The following CSGALNACT1 variants were observed in gnomAD, a reference collection of about 807,000 sequenced individuals.
CSGALNACT1 encodes the protein chondroitin sulfate N-acetylgalactosaminyltransferase 1, also known as beta4GalNAcT-1.
CSGALNACT1 carries 52 observed loss-of-function variants against 51.0 expected under a neutral mutation model. The observed-to-expected ratio is 1.02, with a 90% CI of 0.82 to 1.29. The LOEUF (loss-of-function observed/expected upper bound fraction) is 1.29, where lower values mean the gene tolerates loss of function less well. Among genes scored for constraint, CSGALNACT1 ranks in the 50% most tolerant of loss-of-function variants. The pLI is 0.00. For missense variants in CSGALNACT1, 935 were observed against 679.2 expected, an observed-to-expected ratio of 1.38 and a Z score of -4.19; for synonymous variants, 341 against 254.4, an observed-to-expected ratio of 1.34 and a Z score of -3.24.
At chr8:19,506,291 G>A (rs562479022) in intron 3 of CSGALNACT1, among the ~76,000 whole-genome samples, 161 bp from the exon 3 acceptor site, 3 of 152,272 alleles carry the variant, frequency 2.0e-5, no homozygotes, top group East Asian at 1.9e-4. Flanking sequence ...GAACACAAAC[G>A]CACATCTGCA....
At chr8:19,550,659 G>A (rs1002249863) in intron 3 of CSGALNACT1, among the ~76,000 whole-genome samples, 3 of 152,038 alleles carry the variant, frequency 2.0e-5, no homozygotes, top group African/African-American at 4.8e-5. Flanking sequence ...ATCTAAAACT[G>A]TGCATTTAAG....
At chr8:19,638,561 C>A (rs2154174931) in intron 1 of CSGALNACT1, among the ~76,000 whole-genome samples, 1 of 152,106 alleles carries the variant, frequency 6.6e-6, no homozygotes, top group Non-Finnish European at 1.5e-5. Context: ...AAAAGGCTAA[C>A]AATAAGGGGC....
At chr8:19,465,353 TG>T (rs2066434529) in intron 4 of CSGALNACT1, among the ~76,000 whole-genome samples, 1 of 152,136 alleles carries the variant, frequency 6.6e-6, no homozygotes, top group East Asian at 1.9e-4. Context: ...AAGCAGGGAC[TG>T]GGGAGTGAGT....
intron 1 of CSGALNACT1, among the ~76,000 whole-genome samples, chr8:19,619,207 G>T (rs1303962221): frequency 7.3e-6 from 1 of 137,132 alleles, no homozygotes; most frequent in East Asian, 2.7e-4. Flanking sequence ...TGCAGGTGAG[G>T]TAAGAAATGG....
intron 3 of CSGALNACT1, among the ~76,000 whole-genome samples, chr8:19,523,515 C>T (rs1236092001): frequency 1.3e-5 from 2 of 152,184 alleles, no homozygotes; most frequent in African/African-American, 2.4e-5. Flanking sequence ...AGCGATCCAC[C>T]CACCTTGGCC....
intron 2 of CSGALNACT1, among the ~76,000 whole-genome samples, chr8:19,599,454 AAAAGAAAGAAAGAAAGAAAAAG>A (rs1564209949): frequency 2.4e-5 from 3 of 123,832 alleles, no homozygotes; most frequent in African/African-American, 3.5e-5. Context: ...AAAGAAAAAG[AAAAGAAAGAAAGAAAGAAAAAG>A]AAAGAAAGAA....
At chr8:19,548,803 A>G (rs1011499319) in intron 3 of CSGALNACT1, among the ~76,000 whole-genome samples, 2 of 152,156 alleles carry the variant, frequency 1.3e-5, no homozygotes, top group African/African-American at 4.8e-5. Context: ...TATTTTAGGT[A>G]ACGTTCTTCA....
At chr8:19,591,514 G>C (rs1298945570) in intron 2 of CSGALNACT1, among the ~76,000 whole-genome samples, 1 of 152,144 alleles carries the variant, frequency 6.6e-6, no homozygotes, top group Non-Finnish European at 1.5e-5. Flanking sequence ...AAGTCCAACC[G>C]TGTAACAAAG....
At chr8:19,441,063 A>G (rs1649183113) in intron 5 of CSGALNACT1, among the ~76,000 whole-genome samples, 1 of 152,224 alleles carries the variant, frequency 6.6e-6, no homozygotes, top group Admixed American at 6.5e-5. Context: ...TCAATGAAAT[A>G]AAAGAGGATA....
Position 19,478,434 on chromosome 8 carries a change from A to G in CSGALNACT1, c.635-19792T>C, listed in dbSNP as rs939849099. Reference sequence around the variant, plus strand: ...GTCTCAAAAAAAAAAAAAAAAAAAAAAAAAGGTACTGATGTCTGGGTCCCA... The same window carrying G: ...GTCTCAAAAAAAAAAAAAAAAAAAAGAAAAGGTACTGATGTCTGGGTCCCA... On this transcript the variant is annotated intron_variant, in intron 4 of 9. Transcript: ENST00000454498. Among the ~76,000 whole-genome samples the G allele has an allele frequency of 1.2e-3, 187 of 151,676 alleles. 1 individual carries two copies. Among genetic ancestry groups the G allele is most frequent in the Non-Finnish European group, 1.8e-3 (121 of 67,840 alleles).
At chr8:19,719,689 A>G (rs1394256103) in intron 1 of CSGALNACT1, among the ~76,000 whole-genome samples, 1 of 152,128 alleles carries the variant, frequency 6.6e-6, no homozygotes, top group African/African-American at 2.4e-5. Context: ...AGTTAAAGCC[A>G]CTCATTCTGC....
intron 7 of CSGALNACT1, among the ~76,000 whole-genome samples, chr8:19,419,314 A>T (rs561585039): frequency 1.3e-5 from 2 of 152,282 alleles, no homozygotes; most frequent in Non-Finnish European, 2.9e-5. Context: ...ACGCCTTGGG[A>T]GGGGGTGTGA....
exon 1 of CSGALNACT1, chr8:19,602,018 TCTCC>T (rs1350914851): frequency 2.9e-6 from 1 of 344,030 alleles, no homozygotes; most frequent in African/African-American, 2.2e-5. Flanking sequence ...GTATTTGTTC[TCTCC>T]CTGTTTCAAT....
intron 3 of CSGALNACT1, among the ~76,000 whole-genome samples, chr8:19,530,076 G>T (rs1386186228): frequency 6.6e-6 from 1 of 151,958 alleles, no homozygotes; most frequent in Non-Finnish European, 1.5e-5. Flanking sequence ...AAAATAATTA[G>T]CCAGGCATAG....
At chr8:19,495,175 G>A (rs2075235682) in intron 4 of CSGALNACT1, 2 of 152,106 alleles carry the variant, frequency 1.3e-5, no homozygotes, top group Admixed American at 1.3e-4. Flanking sequence ...CCTCATCAGG[G>A]CCATCCACAT....
chr8:19,508,064 C>A (rs979519217), intron 3 of CSGALNACT1, among the ~76,000 whole-genome samples: 1 of 152,174 alleles, frequency 6.6e-6, no homozygotes, highest in African/African-American at 2.4e-5. Context: ...AGTCTTCACC[C>A]GACTCAGAAA....
At chr8:19,442,797 A>T (rs951529940) in intron 5 of CSGALNACT1, among the ~76,000 whole-genome samples, 3 of 151,700 alleles carry the variant, frequency 2.0e-5, no homozygotes, top group Non-Finnish European at 2.9e-5. Context: ...CTTGCCCATG[A>T]CTCTCTTTTC....
At chr8:19,602,615 C>T (rs1023588009), upstream of CSGALNACT1, 7 of 152,264 alleles carry the variant, frequency 4.6e-5, no homozygotes, top group African/African-American at 1.4e-4. Context: ...GTGACCCGCT[C>T]CCTGGGGGGC....
rs538064120 is a variant in CSGALNACT1 at position 19,553,638 on chromosome 8, T to A, written c.-297+37522A>T. Among the ~76,000 whole-genome samples the A allele has an allele frequency of 7.9e-4, 95 of 119,768 alleles. 7 individuals carry two copies. Among genetic ancestry groups the A allele is most frequent in the South Asian group, 5.3e-3 (20 of 3,754 alleles). 78.6% of individuals were successfully genotyped at this position (119,768 alleles called of 152,430 possible). On this transcript the variant is annotated intron_variant, in intron 3 of 9. Transcript: ENST00000454498. ...ATAAATACATATATATATATATATATAAAAAAATATGTCAGCCTTTCTATT... is the reference window on the plus strand; with the variant it reads ...ATAAATACATATATATATATATATAAAAAAAAATATGTCAGCCTTTCTATT...
Sources: gnomAD v4.1 joint callset for allele counts (sites outside exome capture counted in the v4.1 genomes callset) on GRCh38, gnomAD v4.1.1 for gene constraint, MANE v1.5 for transcripts, NCBI Gene and HGNC (gene_info 2026-07-23, HGNC 2026-07-21) for gene names.